FABP12: variants seen among roughly 807,000 people sequenced by gnomAD.
FABP12 encodes fatty acid-binding protein 12.
A neutral mutation model predicts 13.7 loss-of-function variants in FABP12; 19 were observed. That is an observed-to-expected ratio of 1.39 (90% CI 0.97 to 2.04). The LOEUF (loss-of-function observed/expected upper bound fraction) is 2.04, where lower values mean the gene tolerates loss of function less well. Ranked by LOEUF, FABP12 falls within the 30% of genes most tolerant of loss-of-function variation. The probability of loss-of-function intolerance (pLI) is 0.00; values close to 1 mark genes in which losing one functional copy is unlikely to be tolerated. For missense variants in FABP12, 182 were observed against 164.2 expected, an observed-to-expected ratio of 1.11 and a Z score of -0.59; for synonymous variants, 61 against 57.0, an observed-to-expected ratio of 1.07 and a Z score of -0.32.
At chr8:81,546,165 TG>T (rs1809431310) in intron 1 of FABP12, among the ~76,000 whole-genome samples, 1 of 152,230 alleles carries the variant, frequency 6.6e-6, no homozygotes, top group African/African-American at 2.4e-5. Flanking sequence ...CTAATGCTTT[TG>T]CTTATGTCTC....
upstream of FABP12, among the ~76,000 whole-genome samples, chr8:81,534,719 G>A (rs1305607439): frequency 6.6e-6 from 1 of 152,106 alleles, no homozygotes; most frequent in Non-Finnish European, 1.5e-5. Flanking sequence ...AAGGTGGGAG[G>A]ATCACCTGGG....
At chr8:81,575,626 T>C (rs769172218) in intron 1 of FABP12, among the ~76,000 whole-genome samples, 2 of 152,246 alleles carry the variant, frequency 1.3e-5, no homozygotes, top group South Asian at 2.1e-4. Flanking sequence ...TTTTATAAAC[T>C]TGGGAGCTCC....
chr8:81,553,415 T>C (rs1020352452), intron 1 of FABP12, among the ~76,000 whole-genome samples: 35 of 152,358 alleles, frequency 2.3e-4, no homozygotes, highest in African/African-American at 8.4e-4. Context: ...ATTTATACTA[T>C]ATTTTCACAG....
intron 1 of FABP12, among the ~76,000 whole-genome samples, chr8:81,567,628 CT>C (rs1483191959): frequency 6.6e-6 from 1 of 152,192 alleles, no homozygotes; most frequent in South Asian, 2.1e-4. Flanking sequence ...AACTAGACCC[CT>C]TTCTCTTGCC....
chr8:81,553,734 GT>G (rs765369284), intron 1 of FABP12, among the ~76,000 whole-genome samples: 1 of 152,126 alleles, frequency 6.6e-6, no homozygotes, highest in African/African-American at 2.4e-5. Flanking sequence ...GCTTATTTAG[GT>G]TAAAACCCCT....
chr8:81,557,969 C>G (rs920172764), intron 1 of FABP12, among the ~76,000 whole-genome samples: 2 of 152,166 alleles, frequency 1.3e-5, no homozygotes, highest in African/African-American at 4.8e-5. Flanking sequence ...CCTGCCCAGG[C>G]CCTAGGTCAG....
chr8:81,561,035 C>T (rs1809715313), intron 1 of FABP12, among the ~76,000 whole-genome samples: 1 of 152,168 alleles, frequency 6.6e-6, no homozygotes, highest in South Asian at 2.1e-4. Context: ...ATGTTTGTAT[C>T]ACATGTCTTT....
intron 1 of FABP12, among the ~76,000 whole-genome samples, chr8:81,572,168 C>A (rs1261305730): frequency 6.6e-6 from 1 of 151,784 alleles, no homozygotes; most frequent in African/African-American, 2.4e-5. Context: ...TTTGCATCCT[C>A]ATAGCTTAGC....
intron 1 of FABP12, among the ~76,000 whole-genome samples, chr8:81,574,348 G>A (rs1809993154): frequency 6.6e-6 from 1 of 152,044 alleles, no homozygotes; most frequent in Non-Finnish European, 1.5e-5. Context: ...TGTTGGAGTC[G>A]ATTAGCTAGC....
chr8:81,569,483 A>G (rs991933708), intron 1 of FABP12, among the ~76,000 whole-genome samples: 1 of 152,164 alleles, frequency 6.6e-6, no homozygotes, highest in African/African-American at 2.4e-5. Flanking sequence ...TTCTGAAGGG[A>G]GCAGGTGACT....
At chr8:81,540,466 C>T (rs1809318210) in intron 1 of FABP12, among the ~76,000 whole-genome samples, 1 of 152,234 alleles carries the variant, frequency 6.6e-6, no homozygotes, top group Admixed American at 6.5e-5. Context: ...CTTCTGTGGT[C>T]TTCCTAAACA....
At chr8:81,554,990 G>C in intron 1 of FABP12, among the ~76,000 whole-genome samples, 1 of 152,010 alleles carries the variant, frequency 6.6e-6, no homozygotes, top group East Asian at 1.9e-4. Context: ...CATTCGAGAT[G>C]GAATGAGGTC....
chr8:81,569,500 T>C (rs898821676), intron 1 of FABP12, among the ~76,000 whole-genome samples: 1 of 152,166 alleles, frequency 6.6e-6, no homozygotes, highest in East Asian at 1.9e-4. Flanking sequence ...GACTTAGCAA[T>C]TCTGTCTTCA....
chr8:81,525,281 C>T (rs1440661583), intron 4 of FABP12, among the ~76,000 whole-genome samples, 161 bp from the exon 5 acceptor site: 9 of 152,046 alleles, frequency 5.9e-5, no homozygotes, highest in Admixed American at 5.9e-4. Context: ...TTTGGAAGGC[C>T]AAGGTGGGCA....
Position 81,526,984 on chromosome 8 carries a change from A to C in FABP12, c.348+36T>G, listed in dbSNP as rs780619714. 3 of 1,194,886 alleles carry C rather than the reference A, an allele frequency of 2.5e-6. No homozygotes were observed. The South Asian group carries it at 4.0e-5, about 16-fold the overall frequency. The allele number at this position is 1,194,886 out of a possible 1,614,324, so 74.0% of individuals were successfully genotyped here. A position where few individuals can be genotyped will look rare whatever the true frequency, so the allele number is the denominator to read the frequency against. On this transcript the variant is annotated intron_variant, in intron 4 of 4. Transcript: ENST00000360464. Reference sequence around the variant, plus strand: ...GTTGTGATTTTATATTAGTCGTTGCAGAAGGTGGGAAGAAAGCGAGGATGG... The same window carrying C: ...GTTGTGATTTTATATTAGTCGTTGCCGAAGGTGGGAAGAAAGCGAGGATGG...
chr8:81,576,770 C>T (rs1810054876), intron 1 of FABP12, among the ~76,000 whole-genome samples: 1 of 152,152 alleles, frequency 6.6e-6, no homozygotes, highest in African/African-American at 2.4e-5. Context: ...CTAGCTCATG[C>T]TATATGTTTA....
rs35386904 is a variant in FABP12, at chr8:81,539,433, C to CTTTTTTTTTT, written c.-59+175_-59+184dup. On this transcript the variant is annotated intron_variant, in intron 2 of 5. Coordinates refer to the FABP12 transcript ENST00000692030. ...AAACATTTTCCTTACTTCTTTAGTT[C>CTTTTTTTTTT]TTTTTTTTTTTTTTTTTTTTTTTTT... Among the ~76,000 whole-genome samples, 170 of 50,022 alleles carry CTTTTTTTTTT rather than the reference C, an allele frequency of 3.4e-3. 1 individual carries two copies. Among genetic ancestry groups the CTTTTTTTTTT allele is most frequent in the South Asian group, 5.5e-3 (4 of 724 alleles). 32.8% of individuals were successfully genotyped at this position (50,022 alleles called of 152,430 possible).
chr8:81,534,807 G>A (rs189516086), upstream of FABP12, among the ~76,000 whole-genome samples: 125 of 152,172 alleles, frequency 8.2e-4, 1 homozygote, highest in African/African-American at 2.9e-3. Context: ...AGCTGGGTGT[G>A]GTGGTGGGCA....
exon 2 of FABP12, chr8:81,531,379 G>A (rs1422587693): frequency 2.7e-6 from 3 of 1,119,464 alleles, no homozygotes; most frequent in Non-Finnish European, 3.9e-6. Context: ...TTTCCCTGAA[G>A]TAGTATGGGA....
Sources: gnomAD v4.1 joint callset for allele counts (sites outside exome capture counted in the v4.1 genomes callset) on GRCh38, gnomAD v4.1.1 for gene constraint, MANE v1.5 for transcripts, NCBI Gene and HGNC (gene_info 2026-07-23, HGNC 2026-07-21) for gene names.